CLYBL: variants seen among roughly 807,000 people sequenced by gnomAD.
The protein encoded by CLYBL is citramalyl-CoA lyase, also known as citramalyl-CoA lyase, mitochondrial.
A neutral mutation model predicts 38.9 loss-of-function variants in CLYBL; 31 were observed. The ratio of observed to expected loss-of-function variants is 0.80; its 90% CI spans 0.60 to 1.08. CLYBL has a LOEUF of 1.08. Among genes scored for constraint, CLYBL ranks in the 50% least tolerant of loss-of-function variants. The pLI is 0.00. For synonymous variants in CLYBL, 171 were observed against 158.6 expected (o/e 1.08, Z -0.59); for missense variants, 434 against 411.6 (o/e 1.05, Z -0.47).
At chr13:99,715,247 C>T (rs898142915) in intron 1 of CLYBL, among the ~76,000 whole-genome samples, 2 of 152,128 alleles carry the variant, frequency 1.3e-5, no homozygotes, top group East Asian at 1.9e-4. Context: ...TCACTCAGCC[C>T]GTTTCAGCTT....
At chr13:99,748,301 A>C (rs1176822206) in intron 1 of CLYBL, among the ~76,000 whole-genome samples, 1 of 151,382 alleles carries the variant, frequency 6.6e-6, no homozygotes, top group African/African-American at 2.4e-5. Context: ...AATCTCTTGA[A>C]CCTGAGAGGC....
intron 7 of CLYBL, among the ~76,000 whole-genome samples, chr13:99,883,309 A>G (rs1416515458): frequency 1.3e-5 from 2 of 152,140 alleles, no homozygotes; most frequent in African/African-American, 2.4e-5. Flanking sequence ...TCATGAGGTC[A>G]GGAGTTGAAG....
intron 1 of CLYBL, among the ~76,000 whole-genome samples, chr13:99,686,249 T>C (rs1284989791): frequency 6.6e-6 from 1 of 152,190 alleles, no homozygotes; most frequent in African/African-American, 2.4e-5. Context: ...CCAGGGCATA[T>C]ATAGCTGCTC....
At chr13:99,673,091 A>C (rs912915240) in intron 1 of CLYBL, among the ~76,000 whole-genome samples, 12 of 152,108 alleles carry the variant, frequency 7.9e-5, no homozygotes, top group African/African-American at 2.7e-4. Context: ...GAATTTTAGA[A>C]AGTGTCCAGT....
intron 1 of CLYBL, among the ~76,000 whole-genome samples, chr13:99,677,638 G>C (rs1285366126): frequency 6.6e-6 from 1 of 152,180 alleles, no homozygotes; most frequent in Non-Finnish European, 1.5e-5. Flanking sequence ...AGTAATTTTG[G>C]AGAAATCTGT....
intron 1 of CLYBL, among the ~76,000 whole-genome samples, chr13:99,703,998 A>C (rs1016057167): frequency 3.3e-5 from 5 of 152,208 alleles, no homozygotes; most frequent in Non-Finnish European, 5.9e-5. Context: ...CTGTGTTTGC[A>C]GTTGTCAGTG....
At chr13:99,629,317 T>C (rs1427471145) in intron 1 of CLYBL, among the ~76,000 whole-genome samples, 1 of 152,216 alleles carries the variant, frequency 6.6e-6, no homozygotes, top group Non-Finnish European at 1.5e-5. Context: ...AAGAACCCAT[T>C]CTGTAGACAT....
chr13:99,638,900 G>T (rs1261821478), intron 1 of CLYBL, among the ~76,000 whole-genome samples: 1 of 152,158 alleles, frequency 6.6e-6, no homozygotes, highest in African/African-American at 2.4e-5. Flanking sequence ...GGAGCAGAAG[G>T]GGGATAGAAC....
At chr13:99,811,035 T>A (rs1292666871) in intron 2 of CLYBL, among the ~76,000 whole-genome samples, 1 of 152,096 alleles carries the variant, frequency 6.6e-6, no homozygotes, top group Non-Finnish European at 1.5e-5. Flanking sequence ...AAAGACCTCT[T>A]CCACACACAC....
downstream of CLYBL, among the ~76,000 whole-genome samples, chr13:99,900,581 TTGTGCAACTATTG>T (rs2052630871): frequency 6.6e-6 from 1 of 151,790 alleles, no homozygotes; most frequent in African/African-American, 2.4e-5. Flanking sequence ...CCTTCTGGAG[TTGTGCAACTATTG>T]GACCTGCTAG....
rs1444792469 is a variant in CLYBL at position 99,849,377 on chromosome 13, G to T, written c.250-9484G>T. ...AAATACAAATAATTATCTGGGTATGGTGGTGCATGCCTGTAGTCACAGCTA... is the reference window on the plus strand; with the variant it reads ...AAATACAAATAATTATCTGGGTATGTTGGTGCATGCCTGTAGTCACAGCTA... On this transcript the variant is annotated intron_variant, in intron 2 of 8. Coordinates refer to ENST00000339105, the MANE Select transcript of CLYBL (RefSeq NM_206808.5). This position sits in a 1 kb window ranked among gnomAD's most constrained non-coding sequence, Gnocchi z 4.9. Among the ~76,000 whole-genome samples the T allele has an allele frequency of 1.3e-5, 2 of 152,126 alleles. No homozygotes were observed. The highest frequency in any genetic ancestry group is 2.9e-5 in the Non-Finnish European group (2 of 68,036).
intron 1 of CLYBL, among the ~76,000 whole-genome samples, chr13:99,626,744 T>C (rs528790419): frequency 1.8e-4 from 27 of 152,212 alleles, no homozygotes; most frequent in African/African-American, 5.8e-4. Flanking sequence ...TAAGAGACCT[T>C]AATGAGAAAC....
chr13:99,844,707 A>G (rs2051159074), intron 2 of CLYBL, among the ~76,000 whole-genome samples: 1 of 152,052 alleles, frequency 6.6e-6, no homozygotes, highest in Admixed American at 6.5e-5. Context: ...GAGGCACACT[A>G]ATCTTGCCAT....
chr13:99,710,159 G>T (rs770042027), intron 1 of CLYBL, among the ~76,000 whole-genome samples: 9 of 152,006 alleles, frequency 5.9e-5, no homozygotes, highest in Non-Finnish European at 1.2e-4. Flanking sequence ...TGATCTGCCC[G>T]CCTCGGCCTC....
rs758875750 is a variant in CLYBL, at chr13:99,891,551, TTTG to T, written c.*24+125_*24+127del. 203 of 587,774 alleles carry T rather than the reference TTTG, an allele frequency of 3.5e-4. No individual in the cohort carries two copies. The South Asian group carries it at 4.5e-3, about 13-fold the overall frequency. 36.4% of individuals were successfully genotyped at this position (587,774 alleles called of 1,614,324 possible). A position where few individuals can be genotyped will look rare whatever the true frequency, so the allele number is the denominator to read the frequency against. On this transcript the variant is annotated intron_variant, in intron 8 of 8. Coordinates refer to ENST00000339105, the MANE Select transcript of CLYBL (RefSeq NM_206808.5). ...ATTTACAGTTCATGTTAATCACAAT[TTTG>T]TTGTTGTTGTCTCACTGGCCAGTTA...
At position 99,772,874 on chromosome 13, in the gene CLYBL, C is replaced by G; in HGVS notation, c.113C>G (p.Ser38Cys). 1.9e-6 allele frequency: 3 copies of G among 1,612,692 alleles called. No individual in the cohort carries two copies. Among genetic ancestry groups the G allele is most frequent in the East Asian group, 4.5e-5 (2 of 44,876 alleles). The stretch of plus-strand genomic sequence containing the variant: ...CCCAGACTTGGATATAGTTCCTCAT[C>G]CCATCACAAGTACATCCCCCGGAGG... ...DIPRLGYSSS[S>C]HHKYIPRRAV... The change falls in exon 2 of 9, where the codon TCC becomes TGC. Residue 38 changes from serine to cysteine, a missense_variant. Ser to Cys is a moderately radical substitution (Grantham distance 112). Transcript: ENST00000339105.
intron 1 of CLYBL, among the ~76,000 whole-genome samples, chr13:99,697,880 T>G (rs1298960778): frequency 1.3e-5 from 2 of 151,954 alleles, no homozygotes; most frequent in Admixed American, 1.3e-4. Context: ...ACTCCTGACC[T>G]CAAGTGATTC....
intron 2 of CLYBL, among the ~76,000 whole-genome samples, chr13:99,808,829 A>G (rs2050283097): frequency 6.6e-6 from 1 of 152,238 alleles, no homozygotes; most frequent in Non-Finnish European, 1.5e-5. Context: ...TTCCATGTTG[A>G]AAAGCTGCCT....
chr13:99,734,401 AT>A (rs956912447), intron 1 of CLYBL, among the ~76,000 whole-genome samples: 3 of 151,490 alleles, frequency 2.0e-5, no homozygotes, highest in Non-Finnish European at 4.4e-5. Context: ...AGAAATTGAG[AT>A]TAAAAAAAAA....
Sources: gnomAD v4.1 joint callset for allele counts (sites outside exome capture counted in the v4.1 genomes callset) on GRCh38, gnomAD v4.1.1 for gene constraint, Gnocchi (gnomAD v3.1) non-coding constraint, MANE v1.5 for transcripts, NCBI Gene and HGNC (gene_info 2026-07-23, HGNC 2026-07-21) for gene names.